The following CLNK variants were observed in gnomAD, a reference collection of about 807,000 sequenced individuals.
CLNK encodes the protein cytokine dependent hematopoietic cell linker.
In CLNK, 74 loss-of-function variants were observed where a neutral mutation model predicts 68.6. That is an observed-to-expected ratio of 1.08 (90% CI 0.89 to 1.31). The LOEUF (loss-of-function observed/expected upper bound fraction) is 1.31, where lower values mean the gene tolerates loss of function less well. Among genes scored for constraint, CLNK ranks in the 50% most tolerant of loss-of-function variants. The pLI, the probability that CLNK is intolerant of heterozygous loss-of-function variation, is 0.00. For synonymous variants in CLNK, 198 were observed against 172.2 expected (o/e 1.15, Z -1.17); for missense variants, 553 against 515.3 (o/e 1.07, Z -0.71).
At chr4:10,519,126 C>G (rs951815928) in intron 15 of CLNK, among the ~76,000 whole-genome samples, 2 of 152,116 alleles carry the variant, frequency 1.3e-5, no homozygotes, top group African/African-American at 4.8e-5. Context: ...AAACATTTCC[C>G]CATCCATCCC....
At chr4:10,705,680 C>T in the CLNK span, among the ~76,000 whole-genome samples, 4 of 152,344 alleles carry the variant, frequency 2.6e-5, no homozygotes, top group East Asian at 5.8e-4. Flanking sequence ...CTTGCTCAGA[C>T]AAGCCAGGAT....
At position 10,501,275 on chromosome 4, in the gene CLNK, G is replaced by C. The variant is rs772250236; in HGVS notation, c.1121C>G (p.Thr374Arg). ...ACCCACCTCATCTCCTCTGAGTCCT[G>C]TCCCCAGGGCAAACTGCTGATTCCT... ...LERNQQFALG[T>R]GLRGDEKFDS... The change falls in exon 18 of 19, where the codon ACA (threonine) becomes AGA (arginine). Residue 374 changes from threonine (T) to arginine (R), a missense_variant. Transcript: ENST00000226951. 1.3e-6 allele frequency: 2 copies of C among 1,594,716 alleles called. No individual in the cohort carries two copies. Among genetic ancestry groups the C allele is most frequent in the South Asian group, 1.1e-5 (1 of 87,458 alleles).
chr4:10,619,116 T>C (rs1056746288), intron 2 of CLNK, among the ~76,000 whole-genome samples: 5 of 152,234 alleles, frequency 3.3e-5, no homozygotes, highest in African/African-American at 9.6e-5. Flanking sequence ...ACACTGCCAG[T>C]TGCACAGTTC....
chr4:10,693,713 C>T, the CLNK span, among the ~76,000 whole-genome samples: 1 of 152,206 alleles, frequency 6.6e-6, no homozygotes, highest in Admixed American at 6.5e-5. Flanking sequence ...TCTGATGCAT[C>T]ATTGCTTTGA....
intron 2 of CLNK, among the ~76,000 whole-genome samples, chr4:10,667,490 A>G (rs1387212923): frequency 1.3e-5 from 2 of 151,714 alleles, no homozygotes; most frequent in African/African-American, 2.4e-5. Flanking sequence ...ACAAAGAGAA[A>G]GTTGGACTCC....
At chr4:10,534,178 G>C (rs1319682158) in intron 11 of CLNK, among the ~76,000 whole-genome samples, 1 of 152,134 alleles carries the variant, frequency 6.6e-6, no homozygotes, top group Non-Finnish European at 1.5e-5. Context: ...GGAAATCTGA[G>C]GCTTCAGGAA....
In CLNK at chr4:10,490,194, A is replaced by C; in HGVS notation, c.*273T>G. ...ATAGTATTTTTTGTTGTTGTTTTTT[A>C]GAAGATACTTTTAAAACCCTAGTTT... On this transcript the variant is annotated 3_prime_UTR_variant, in exon 19 of 19. Transcript: ENST00000226951. The C allele has an allele frequency of 3.1e-6, 1 of 319,484 alleles. No homozygotes were observed. The highest frequency in any genetic ancestry group is 5.7e-6 in the Non-Finnish European group (1 of 176,632). The allele number at this position is 319,484 out of a possible 1,614,324, so 19.8% of individuals were successfully genotyped here.
chr4:10,551,487 C>T (rs1032862260), intron 8 of CLNK, among the ~76,000 whole-genome samples: 1 of 151,888 alleles, frequency 6.6e-6, no homozygotes, highest in Non-Finnish European at 1.5e-5. Flanking sequence ...TGAGTTGTCT[C>T]GAAACTCCTG....
At chr4:10,717,334 G>A in the CLNK span, among the ~76,000 whole-genome samples, 2 of 152,182 alleles carry the variant, frequency 1.3e-5, no homozygotes, top group East Asian at 1.9e-4. Context: ...GGTGGCTCAC[G>A]CCTGTAATCC....
At chr4:10,706,603 C>T in the CLNK span, among the ~76,000 whole-genome samples, 2 of 152,172 alleles carry the variant, frequency 1.3e-5, no homozygotes, top group African/African-American at 2.4e-5. Context: ...GCATACATCT[C>T]CTATGGGTGT....
intron 2 of CLNK, among the ~76,000 whole-genome samples, chr4:10,604,557 G>A (rs1721716441): frequency 6.6e-6 from 1 of 151,258 alleles, no homozygotes; most frequent in Non-Finnish European, 1.5e-5. Context: ...AAAAGTAAAG[G>A]GCACAAAAAG....
chr4:10,604,583 T>C (rs77680346), intron 2 of CLNK, among the ~76,000 whole-genome samples: 12 of 125,112 alleles, frequency 9.6e-5, no homozygotes, highest in African/African-American at 3.3e-4. Context: ...TTGTCACAGC[T>C]TTTTTTTTTT....
At chr4:10,671,126 C>T (rs1724615235) in intron 1 of CLNK, among the ~76,000 whole-genome samples, 1 of 152,122 alleles carries the variant, frequency 6.6e-6, no homozygotes, top group African/African-American at 2.4e-5. Context: ...TGGCTCACAC[C>T]TGTAATCCCA....
At position 10,643,675 on chromosome 4, in the gene CLNK, C is replaced by T. The variant is rs150096523; in HGVS notation, c.11+24184G>A. On this transcript the variant is annotated intron_variant, in intron 2 of 18. Transcript: ENST00000226951. ...CACATGAGACTGTCACACTATCACA[C>T]TTTCTAATATACCCCCAGTCAGAGT... Among the ~76,000 whole-genome samples the T allele has an allele frequency of 3.9e-3, 587 of 152,334 alleles. 2 individuals carry two copies. The highest frequency in any genetic ancestry group is 0.013 in the African/African-American group (560 of 41,572).
intron 2 of CLNK, among the ~76,000 whole-genome samples, chr4:10,622,434 G>A (rs917997488): frequency 2.0e-5 from 3 of 152,172 alleles, no homozygotes; most frequent in African/African-American, 7.2e-5. Context: ...AATTCATGAC[G>A]GGATGTGACA....
chr4:10,517,627 G>T (rs2109043444), intron 15 of CLNK, among the ~76,000 whole-genome samples: 1 of 152,190 alleles, frequency 6.6e-6, no homozygotes, highest in South Asian at 2.1e-4. Flanking sequence ...ACTCAAGAAG[G>T]GAAAATAACC....
chr4:10,692,104 A>C, the CLNK span: 1 of 151,880 alleles, frequency 6.6e-6, no homozygotes, highest in Non-Finnish European at 1.5e-5. Flanking sequence ...CCCTCTCTTT[A>C]AGGCAAGTAG....
the CLNK span, among the ~76,000 whole-genome samples, chr4:10,699,153 G>T: frequency 2.9e-5 from 4 of 136,778 alleles, no homozygotes; most frequent in Non-Finnish European, 4.7e-5. Flanking sequence ...CTCCATGATC[G>T]TATGAGCCAA....
intron 2 of CLNK, among the ~76,000 whole-genome samples, chr4:10,653,275 C>A (rs986531700): frequency 6.6e-6 from 1 of 151,886 alleles, no homozygotes; most frequent in South Asian, 2.1e-4. Flanking sequence ...ACCACCATGG[C>A]ATGTGTATAC....
Sources: gnomAD v4.1 joint callset for allele counts (sites outside exome capture counted in the v4.1 genomes callset) on GRCh38, gnomAD v4.1.1 for gene constraint, MANE v1.5 for transcripts, NCBI Gene and HGNC (gene_info 2026-07-23, HGNC 2026-07-21) for gene names.